CDC42SE2: variants seen among roughly 807,000 people sequenced by gnomAD.
CDC42SE2 encodes CDC42 small effector protein 2.
In CDC42SE2, 3 loss-of-function variants were observed where a neutral mutation model predicts 11.5. The ratio of observed to expected loss-of-function variants is 0.26; its 90% CI spans 0.12 to 0.67. CDC42SE2 has a LOEUF of 0.67. CDC42SE2 is among the 30% of genes least tolerant of loss of function. The pLI, the probability that CDC42SE2 is intolerant of heterozygous loss-of-function variation, is 0.80. For missense variants in CDC42SE2, 82 were observed against 106.8 expected (o/e 0.77, Z 1.02); for synonymous variants, 33 against 34.8 (o/e 0.95, Z 0.18).
At chr5:131,383,817 G>C (rs958593536) in intron 3 of CDC42SE2, among the ~76,000 whole-genome samples, 1 of 152,214 alleles carries the variant, frequency 6.6e-6, no homozygotes, top group African/African-American at 2.4e-5. Flanking sequence ...AGTGGAGATT[G>C]TATTTGGCCT....
the CDC42SE2 span, among the ~76,000 whole-genome samples, chr5:131,237,577 A>G: frequency 6.6e-6 from 1 of 151,374 alleles, no homozygotes; most frequent in African/African-American, 2.4e-5. Flanking sequence ...TTTTGCTTTC[A>G]TTTTATTTTT....
the CDC42SE2 span, among the ~76,000 whole-genome samples, chr5:131,218,262 T>C: frequency 4.0e-5 from 6 of 149,582 alleles, no homozygotes; most frequent in East Asian, 7.8e-4. Flanking sequence ...CAGAAGGGGA[T>C]ATCTAATTGG....
intron 1 of CDC42SE2, among the ~76,000 whole-genome samples, chr5:131,310,578 G>A (rs1484560025): frequency 1.3e-5 from 2 of 151,332 alleles, no homozygotes; most frequent in African/African-American, 2.4e-5. Flanking sequence ...ATGTGTGGGA[G>A]TCTAAGTCTC....
chr5:131,255,340 A>T (rs1001782881), intron 2 of CDC42SE2: 3 of 152,160 alleles, frequency 2.0e-5, no homozygotes. Context: ...TAAATAAATT[A>T]TATTATTAAA....
At chr5:131,303,867 T>C (rs896405695) in intron 1 of CDC42SE2, among the ~76,000 whole-genome samples, 1 of 152,142 alleles carries the variant, frequency 6.6e-6, no homozygotes. Context: ...CATTCTTGTC[T>C]TCATAGCAAT....
intron 2 of CDC42SE2, among the ~76,000 whole-genome samples, chr5:131,256,465 A>G (rs1012050480): frequency 2.0e-5 from 3 of 152,222 alleles, no homozygotes; most frequent in Non-Finnish European, 4.4e-5. Flanking sequence ...GTGGGCTGAA[A>G]CAACATCCAT....
At chr5:131,232,762 A>G in the CDC42SE2 span, among the ~76,000 whole-genome samples, 1 of 149,358 alleles carries the variant, frequency 6.7e-6, no homozygotes, top group Non-Finnish European at 1.5e-5. Flanking sequence ...AAAACAAAAC[A>G]GAAATATTAT....
chr5:131,371,756 C>G (rs1410609936), intron 3 of CDC42SE2, among the ~76,000 whole-genome samples: 1 of 152,116 alleles, frequency 6.6e-6, no homozygotes, highest in Non-Finnish European at 1.5e-5. Context: ...TAAATTTTAT[C>G]CAAATAGAAA....
intron 2 of CDC42SE2, among the ~76,000 whole-genome samples, chr5:131,329,695 A>C (rs1165845882): frequency 6.6e-6 from 1 of 151,836 alleles, no homozygotes. Flanking sequence ...CCTGGCCCAC[A>C]TGGTGAAACC....
intron 1 of CDC42SE2, among the ~76,000 whole-genome samples, chr5:131,274,156 C>T (rs139404087): frequency 1.2e-4 from 19 of 152,200 alleles, no homozygotes; most frequent in African/African-American, 3.6e-4. Flanking sequence ...TTGCGTACTC[C>T]GCATTTTTAA....
intron 2 of CDC42SE2, among the ~76,000 whole-genome samples, chr5:131,330,758 A>G (rs1194824686): frequency 6.6e-6 from 1 of 151,454 alleles, no homozygotes; most frequent in Non-Finnish European, 1.5e-5. Context: ...CTGTAATTCC[A>G]GTAATCCCAG....
At chr5:131,313,988 C>T (rs909996220) in intron 1 of CDC42SE2, among the ~76,000 whole-genome samples, 15 of 151,832 alleles carry the variant, frequency 9.9e-5, no homozygotes, top group Admixed American at 9.2e-4. Context: ...CCACCATGCC[C>T]GACTAAACTG....
Position 131,351,750 on chromosome 5 carries a change from C to G in CDC42SE2, c.-285-7459C>G, listed in dbSNP as rs540956263. 2.8e-4 allele frequency among the ~76,000 whole-genome samples: 43 copies of G among 152,258 alleles called. No homozygotes were observed. The South Asian group carries it at 8.7e-3, about 31-fold the overall frequency. On this transcript the variant is annotated intron_variant, in intron 2 of 4. Transcript: ENST00000505065. ...AAGTCTAGAAAAAGAAACAGATTAT[C>G]TTTGCAACTTTGGGATATGTGAAAG... is the stretch of plus-strand genomic sequence containing the variant.
chr5:131,322,175 G>A (rs1758206229), intron 2 of CDC42SE2, among the ~76,000 whole-genome samples: 2 of 152,046 alleles, frequency 1.3e-5, no homozygotes, highest in South Asian at 2.1e-4. Flanking sequence ...TATAGTAGTG[G>A]TAAAAGACAC....
At chr5:131,281,850 C>T (rs1201936769) in intron 1 of CDC42SE2, among the ~76,000 whole-genome samples, 3 of 152,156 alleles carry the variant, frequency 2.0e-5, no homozygotes, top group Admixed American at 6.6e-5. Flanking sequence ...TTTCATTTTC[C>T]TTTTCAGTTA....
At chr5:131,331,899 A>G (rs1258571199) in intron 2 of CDC42SE2, among the ~76,000 whole-genome samples, 2 of 152,144 alleles carry the variant, frequency 1.3e-5, no homozygotes, top group Non-Finnish European at 2.9e-5. Flanking sequence ...ATTTAAAAAC[A>G]TTTTTCTCCA....
chr5:131,346,569 C>G (rs183955100), intron 2 of CDC42SE2, among the ~76,000 whole-genome samples: 1 of 152,110 alleles, frequency 6.6e-6, no homozygotes, highest in African/African-American at 2.4e-5. Context: ...CTTTAACACC[C>G]GACTGTCAGC....
chr5:131,361,133 G>T (rs367993896), intron 3 of CDC42SE2, among the ~76,000 whole-genome samples: 2 of 147,150 alleles, frequency 1.4e-5, no homozygotes, highest in Non-Finnish European at 3.0e-5. Context: ...ATTTTTTTGA[G>T]ATGGAGTCTC....
At chr5:131,269,999 T>G (rs1756959162) in intron 1 of CDC42SE2, among the ~76,000 whole-genome samples, 1 of 151,862 alleles carries the variant, frequency 6.6e-6, no homozygotes, top group Non-Finnish European at 1.5e-5. Flanking sequence ...AGGCAGAGGT[T>G]GCAGTGAGCT....
Sources: gnomAD v4.1 joint callset for allele counts (sites outside exome capture counted in the v4.1 genomes callset) on GRCh38, gnomAD v4.1.1 for gene constraint, MANE v1.5 for transcripts, NCBI Gene and HGNC (gene_info 2026-07-23, HGNC 2026-07-21) for gene names.